Variants in NPR3 observed in about 807,000 individuals in gnomAD.
NPR3 encodes the protein natriuretic peptide receptor 3.
A neutral mutation model predicts 54.5 loss-of-function variants in NPR3; 34 were observed. The ratio of observed to expected loss-of-function variants is 0.62; its 90% CI spans 0.47 to 0.83. The LOEUF (loss-of-function observed/expected upper bound fraction) is 0.83. NPR3 is among the 40% of genes least tolerant of loss of function. The pLI, the probability that NPR3 is intolerant of heterozygous loss-of-function variation, is 0.00. For missense variants in NPR3, 674 were observed against 720.8 expected (o/e 0.94, Z 0.74); for synonymous variants, 289 against 297.1 (o/e 0.97, Z 0.28).
At chr5:32,725,599 T>C (rs1277383833) in intron 2 of NPR3, among the ~76,000 whole-genome samples, 1 of 152,096 alleles carries the variant, frequency 6.6e-6, no homozygotes, top group African/African-American at 2.4e-5. Context: ...ATAATTTCAG[T>C]GAGATTTGGG....
At chr5:32,777,670 C>A (rs774994855) in intron 4 of NPR3, among the ~76,000 whole-genome samples, 6 of 152,286 alleles carry the variant, frequency 3.9e-5, no homozygotes, top group Middle Eastern at 3.4e-3. Context: ...GTTGTCTGGG[C>A]AGTATCTATG....
chr5:32,784,891 CG>C lies in NPR3; in HGVS notation c.1514+10del, dbSNP rs1742529135. ...GGCCTTCTACTTTTTCAGGTGAGGA[CG>C]GTTTGTAAAGGTACAATTCACTCTC... On this transcript the variant is annotated intron_variant, in intron 7 of 7. Transcript: ENST00000265074. The C allele has an allele frequency of 6.2e-7, 1 of 1,601,232 alleles. No homozygotes were observed. The highest frequency in any genetic ancestry group is 1.3e-5 in the African/African-American group (1 of 74,670).
At chr5:32,760,706 A>T (rs1741123459) in intron 3 of NPR3, among the ~76,000 whole-genome samples, 1 of 150,116 alleles carries the variant, frequency 6.7e-6, no homozygotes. Flanking sequence ...CAGTTTTTTT[A>T]ATGTTCTGCT....
upstream of NPR3, among the ~76,000 whole-genome samples, chr5:32,707,996 T>TAAAA (rs58410343): frequency 1.5e-5 from 2 of 131,490 alleles, no homozygotes; most frequent in Non-Finnish European, 3.2e-5. Context: ...GTAGTAGCTT[T>TAAAA]AAAAAAAAAA....
intron 3 of NPR3, among the ~76,000 whole-genome samples, chr5:32,756,571 G>A (rs1169431130): frequency 3.9e-5 from 6 of 152,148 alleles, no homozygotes; most frequent in Non-Finnish European, 7.3e-5. Context: ...TACTCTGACG[G>A]TAGTTTCTTT....
intron 3 of NPR3, among the ~76,000 whole-genome samples, chr5:32,769,544 T>C (rs1302060054): frequency 6.6e-6 from 1 of 152,220 alleles, no homozygotes; most frequent in Non-Finnish European, 1.5e-5. Context: ...AGAAGGCATG[T>C]CTTTTGCAAG....
At chr5:32,692,325 G>T (rs1168811930) in intron 1 of NPR3, among the ~76,000 whole-genome samples, 2 of 152,082 alleles carry the variant, frequency 1.3e-5, no homozygotes, top group Admixed American at 1.3e-4. Flanking sequence ...CCAAACAACA[G>T]GATTCAGGTT....
intron 4 of NPR3, among the ~76,000 whole-genome samples, chr5:32,780,476 AAAG>A (rs1742280712): frequency 6.6e-6 from 1 of 152,218 alleles, no homozygotes; most frequent in Non-Finnish European, 1.5e-5. Flanking sequence ...CATATCCCCC[AAAG>A]AAGATCATTT....
intron 1 of NPR3, chr5:32,713,567 G>A: frequency 2.7e-6 from 2 of 737,600 alleles, no homozygotes; most frequent in Non-Finnish European, 3.3e-6. Context: ...TCACGCGCCT[G>A]GAATGTGAGT....
At chr5:32,732,481 T>C (rs1739515091) in intron 2 of NPR3, among the ~76,000 whole-genome samples, 1 of 152,144 alleles carries the variant, frequency 6.6e-6, no homozygotes, top group African/African-American at 2.4e-5. Flanking sequence ...TATCAGGGAA[T>C]GTGTGCTTTT....
chr5:32,747,960 C>A (rs765995676), intron 3 of NPR3, among the ~76,000 whole-genome samples: 2 of 151,970 alleles, frequency 1.3e-5, no homozygotes, highest in Non-Finnish European at 2.9e-5. Flanking sequence ...CATCATGTTG[C>A]CCAAGCTGGT....
At chr5:32,749,877 G>T (rs140098681) in intron 3 of NPR3, among the ~76,000 whole-genome samples, 1 of 152,258 alleles carries the variant, frequency 6.6e-6, no homozygotes, top group Non-Finnish European at 1.5e-5. Flanking sequence ...AGGTTAGGGA[G>T]GAGATCCGAC....
At chr5:32,693,650 A>G (rs775806360) in intron 1 of NPR3, among the ~76,000 whole-genome samples, 9 of 152,220 alleles carry the variant, frequency 5.9e-5, no homozygotes, top group Non-Finnish European at 1.3e-4. Flanking sequence ...TTTAAATATA[A>G]CTTGGGCCAC....
At position 32,711,741 on chromosome 5, in the gene NPR3, C is replaced by G. The variant is rs528597133; in HGVS notation, c.-36C>G. On this transcript the variant is annotated 5_prime_UTR_variant, in exon 1 of 8. Transcript: ENST00000265074. ...GGTGGGTGGGGGGCAGAGGGCGAGT[C>G]GGCGGCGGCGAGGGCAAGCTCTTTC... 1 of 1,410,644 alleles carries G rather than the reference C, an allele frequency of 7.1e-7. No individual in the cohort carries two copies. The highest frequency in any genetic ancestry group is 9.2e-7 in the Non-Finnish European group (1 of 1,083,186). 87.4% of individuals were successfully genotyped at this position (1,410,644 alleles called of 1,614,324 possible).
At chr5:32,780,557 T>C (rs1742285163) in intron 4 of NPR3, among the ~76,000 whole-genome samples, 165 bp from the exon 5 acceptor site, 1 of 152,206 alleles carries the variant, frequency 6.6e-6, no homozygotes, top group African/African-American at 2.4e-5. Flanking sequence ...GCAGATGAAA[T>C]TACAATGTCT....
At chr5:32,746,947 C>T (rs983461265) in intron 3 of NPR3, among the ~76,000 whole-genome samples, 4 of 151,972 alleles carry the variant, frequency 2.6e-5, no homozygotes, top group Admixed American at 6.6e-5. Context: ...CTTTCTAGAT[C>T]GAAAGGGCCC....
intron 2 of NPR3, among the ~76,000 whole-genome samples, chr5:32,726,277 G>T (rs1739132385): frequency 6.6e-6 from 1 of 152,154 alleles, no homozygotes; most frequent in Non-Finnish European, 1.5e-5. Flanking sequence ...GTACATCATT[G>T]TGCATATACA....
At chr5:32,768,086 G>T (rs1741570607) in intron 3 of NPR3, among the ~76,000 whole-genome samples, 1 of 152,112 alleles carries the variant, frequency 6.6e-6, no homozygotes, top group Non-Finnish European at 1.5e-5. Flanking sequence ...CCCTTCTCCT[G>T]TTGGGTTTTG....
intron 3 of NPR3, among the ~76,000 whole-genome samples, chr5:32,754,442 G>C (rs1428150119): frequency 6.6e-6 from 1 of 151,970 alleles, no homozygotes; most frequent in Non-Finnish European, 1.5e-5. Flanking sequence ...CCATGGCCCT[G>C]CAAGCAGTGT....
Sources: allele counts gnomAD v4.1 joint callset (sites outside exome capture counted in the v4.1 genomes callset), GRCh38; gene constraint gnomAD v4.1.1; transcripts MANE v1.5; gene names NCBI Gene and HGNC (gene_info 2026-07-23, HGNC 2026-07-21).